Variants in RNF152 observed in about 807,000 individuals in gnomAD.
RNF152 encodes the protein E3 ubiquitin-protein ligase RNF152.
A neutral mutation model predicts 12.7 loss-of-function variants in RNF152; 11 were observed. The ratio of observed to expected loss-of-function variants is 0.86; its 90% CI spans 0.54 to 1.43. The LOEUF (loss-of-function observed/expected upper bound fraction) is 1.43, where lower values mean the gene tolerates loss of function less well. Ranked by LOEUF, RNF152 falls within the 40% of genes most tolerant of loss-of-function variation. The pLI is 0.00. For missense variants in RNF152, 255 were observed against 274.8 expected, an observed-to-expected ratio of 0.93 and a Z score of 0.51; for synonymous variants, 113 against 120.3, an observed-to-expected ratio of 0.94 and a Z score of 0.40.
At chr18:61,884,444 CAAA>C (rs79002370) in intron 1 of RNF152, among the ~76,000 whole-genome samples, 155 of 137,578 alleles carry the variant, frequency 1.1e-3, no homozygotes, top group East Asian at 1.0e-3. Flanking sequence ...TTTGCCATTA[CAAA>C]AAAAAAAAAA....
At chr18:61,830,895 G>A (rs1909910443) in intron 1 of RNF152, among the ~76,000 whole-genome samples, 1 of 152,198 alleles carries the variant, frequency 6.6e-6, no homozygotes, top group African/African-American at 2.4e-5. Flanking sequence ...AATACTCTCT[G>A]AATCTTGAGA....
upstream of RNF152, chr18:61,894,337 ACCCGG>A (rs899622846): frequency 1.3e-5 from 2 of 151,002 alleles, no homozygotes; most frequent in African/African-American, 4.9e-5. The surrounding 1 kb of genome is among the most constrained non-coding windows in gnomAD (Gnocchi z 4.9). Context: ...CAGCCCCAGC[ACCCGG>A]CCCGGCCCTT....
At chr18:61,865,820 C>CA (rs1911701573) in intron 1 of RNF152, among the ~76,000 whole-genome samples, 1 of 152,204 alleles carries the variant, frequency 6.6e-6, no homozygotes, top group South Asian at 2.1e-4. Flanking sequence ...AAGAAACCTA[C>CA]AAAAAATCTG....
intron 1 of RNF152, among the ~76,000 whole-genome samples, chr18:61,825,462 G>C (rs1599267393): frequency 6.6e-6 from 1 of 152,230 alleles, no homozygotes; most frequent in South Asian, 2.1e-4. Flanking sequence ...ATACTGGAGA[G>C]AGAAGAAAAC....
At chr18:61,868,833 G>A (rs1911856022) in intron 1 of RNF152, among the ~76,000 whole-genome samples, 4 of 152,208 alleles carry the variant, frequency 2.6e-5, no homozygotes, top group Non-Finnish European at 4.4e-5. Flanking sequence ...AGACAGAGCA[G>A]GGAAGCATGT....
chr18:61,860,920 G>GA (rs1275943078), intron 1 of RNF152, among the ~76,000 whole-genome samples: 1 of 151,674 alleles, frequency 6.6e-6, no homozygotes, highest in East Asian at 1.9e-4. Context: ...AAAGGTAAAA[G>GA]AAAAAAATTA....
At chr18:61,826,896 A>T (rs893464462) in intron 1 of RNF152, among the ~76,000 whole-genome samples, 4 of 152,236 alleles carry the variant, frequency 2.6e-5, no homozygotes, top group African/African-American at 9.6e-5. Context: ...TACAGATGCA[A>T]CTTTGTTTTT....
intron 1 of RNF152, among the ~76,000 whole-genome samples, chr18:61,878,820 A>G (rs932592023): frequency 5.9e-5 from 9 of 152,080 alleles, no homozygotes; most frequent in African/African-American, 2.2e-4. Flanking sequence ...GGCCTAATCA[A>G]CTCCTAAAGG....
chr18:61,857,791 G>A (rs528440506), intron 1 of RNF152, among the ~76,000 whole-genome samples: 1 of 152,168 alleles, frequency 6.6e-6, no homozygotes, highest in Non-Finnish European at 1.5e-5. Flanking sequence ...TTCAGCCTCA[G>A]TCCTGTTAAT....
Position 61,834,253 on chromosome 18 carries a change from A to G in RNF152, c.-135-17655T>C, listed in dbSNP as rs75725321. ...CTGTCCTTTTGGTCTGGAACCAAAA[A>G]AGAGAAGGACAGCATCCCAAGCTAA... On this transcript the variant is annotated intron_variant, in intron 1 of 1. Transcript: ENST00000312828. 9.1e-3 allele frequency among the ~76,000 whole-genome samples: 1,381 copies of G among 152,358 alleles called. 12 individuals carry two copies. The highest frequency in any genetic ancestry group is 0.032 in the African/African-American group (1,338 of 41,580).
intron 1 of RNF152, among the ~76,000 whole-genome samples, chr18:61,824,350 T>C (rs1168669130): frequency 1.3e-5 from 2 of 152,258 alleles, no homozygotes; most frequent in African/African-American, 4.8e-5. Flanking sequence ...AAATATTCTA[T>C]GACCTAAATA....
intron 1 of RNF152, among the ~76,000 whole-genome samples, chr18:61,830,673 G>A (rs375864147): frequency 2.0e-5 from 3 of 152,298 alleles, no homozygotes; most frequent in African/African-American, 7.2e-5. Context: ...CTGAACTAAA[G>A]GAAAGAGGGG....
intron 1 of RNF152, among the ~76,000 whole-genome samples, chr18:61,830,254 C>A (rs1375060378): frequency 6.6e-6 from 1 of 151,994 alleles, no homozygotes; most frequent in East Asian, 1.9e-4. Context: ...TTGAACTCCT[C>A]ACCTCAAGTG....
chr18:61,854,208 C>T (rs1363828673), intron 1 of RNF152, among the ~76,000 whole-genome samples: 1 of 152,162 alleles, frequency 6.6e-6, no homozygotes, highest in Non-Finnish European at 1.5e-5. Flanking sequence ...GCTTCTCAGC[C>T]AATGCACAGC....
intron 1 of RNF152, among the ~76,000 whole-genome samples, chr18:61,822,183 C>T (rs1909448156): frequency 6.6e-6 from 1 of 152,104 alleles, no homozygotes; most frequent in Non-Finnish European, 1.5e-5. Context: ...AAGTGAAAAA[C>T]AGACCACAAA....
rs1188385678 is a variant in RNF152, at chr18:61,809,676, A to G, written c.*6176T>C. ...GAAAATGCATGCTGTTGCAGACTTC[A>G]AGAGGTCCCTCAGTACTCTGCCCCA... On this transcript the variant is annotated 3_prime_UTR_variant, in exon 2 of 2. Transcript: ENST00000312828. 2 of 152,190 alleles carry G rather than the reference A, an allele frequency of 1.3e-5. No individual in the cohort carries two copies. The highest frequency in any genetic ancestry group is 4.8e-5 in the African/African-American group (2 of 41,444). 9.4% of individuals were successfully genotyped at this position (152,190 alleles called of 1,614,324 possible).
intron 1 of RNF152, chr18:61,888,965 T>C (rs1364848792): frequency 6.6e-6 from 1 of 152,212 alleles, no homozygotes; most frequent in Non-Finnish European, 1.5e-5. Context: ...TAGAAATGCA[T>C]TTTGGGGCTT....
At chr18:61,818,248 C>A (rs904423940) in intron 1 of RNF152, among the ~76,000 whole-genome samples, 1 of 151,942 alleles carries the variant, frequency 6.6e-6, no homozygotes, top group African/African-American at 2.4e-5. Context: ...CATGGTGAAA[C>A]CCTATCTCTA....
chr18:61,869,246 C>T (rs558883608), intron 1 of RNF152, among the ~76,000 whole-genome samples: 1 of 152,284 alleles, frequency 6.6e-6, no homozygotes, highest in Non-Finnish European at 1.5e-5. Context: ...ACTGCTAACT[C>T]CACAAAATCA....
Sources: gnomAD v4.1 joint callset for allele counts (sites outside exome capture counted in the v4.1 genomes callset) on GRCh38, gnomAD v4.1.1 for gene constraint, Gnocchi (gnomAD v3.1) non-coding constraint, MANE v1.5 for transcripts, NCBI Gene and HGNC (gene_info 2026-07-23, HGNC 2026-07-21) for gene names.